IGF2R: variants seen among roughly 807,000 people sequenced by gnomAD.
IGF2R encodes cation-independent mannose-6-phosphate receptor.
IGF2R carries 91 observed loss-of-function variants against 270.6 expected under a neutral mutation model. The observed-to-expected ratio is 0.34, with a 90% CI of 0.28 to 0.40. The LOEUF (loss-of-function observed/expected upper bound fraction) is 0.40, where lower values mean the gene tolerates loss of function less well. Among genes scored for constraint, IGF2R ranks in the 10% least tolerant of loss-of-function variants. The pLI is 1.00. For missense variants in IGF2R, 2,805 were observed against 3,188.3 expected (o/e 0.88, Z 2.90); for synonymous variants, 1,316 against 1,258.9 (o/e 1.05, Z -0.96).
chr6:160,083,953 ACAGCTACCGGACATC>A lies in IGF2R; in HGVS notation c.5842_5856del (p.Tyr1948_Ser1952del). On this transcript the variant is annotated inframe_deletion, in exon 40 of 48. Coordinates refer to ENST00000356956, the MANE Select transcript of IGF2R (RefSeq NM_000876.4). ...CTCTTTTCCCTACACTCCCCAGCAA[ACAGCTACCGGACATC>A]CAGCATCATATTTAAGTGTGATGAA... 1 of 1,611,686 alleles carries A rather than the reference ACAGCTACCGGACATC, an allele frequency of 6.2e-7. No homozygotes were observed. Among genetic ancestry groups the A allele is most frequent in the Non-Finnish European group, 8.5e-7 (1 of 1,177,816 alleles).
At chr6:160,016,243 G>A (rs1777295913) in intron 4 of IGF2R, among the ~76,000 whole-genome samples, 1 of 152,122 alleles carries the variant, frequency 6.6e-6, no homozygotes, top group Non-Finnish European at 1.5e-5. Context: ...TTTTTACCAT[G>A]TGGGCTCTTT....
intron 1 of IGF2R, 149 bp downstream of exon 1, chr6:159,969,544 C>T (rs918366885): frequency 1.7e-6 from 1 of 605,856 alleles, no homozygotes. Flanking sequence ...GGGAAAGTTG[C>T]CTGCGTGGTG....
chr6:159,977,926 G>A (rs1783719690), intron 1 of IGF2R, among the ~76,000 whole-genome samples: 1 of 151,786 alleles, frequency 6.6e-6, no homozygotes, highest in Admixed American at 6.6e-5. Context: ...GATGCTAACC[G>A]TGTTGTAGGC....
intron 16 of IGF2R, 139 bp downstream of exon 16, chr6:160,047,475 G>GT (rs1183470657): frequency 1.2e-4 from 90 of 732,278 alleles, no homozygotes; most frequent in Non-Finnish European, 1.7e-4. Flanking sequence ...TGCCTGGGCA[G>GT]TATTAGTATT....
intron 24 of IGF2R, 26 bp from the exon 25 acceptor site, chr6:160,061,727 C>G: frequency 6.2e-7 from 1 of 1,613,792 alleles, no homozygotes; most frequent in Non-Finnish European, 8.5e-7. Context: ...TTCCTCATGC[C>G]CAAACCACTT....
At chr6:160,007,361 C>T (rs1784259741) in intron 2 of IGF2R, 1 of 152,234 alleles carries the variant, frequency 6.6e-6, no homozygotes, top group Non-Finnish European at 1.5e-5. Flanking sequence ...CAGGAGAGCT[C>T]TGAGCCACCT....
intron 11 of IGF2R, among the ~76,000 whole-genome samples, chr6:160,041,441 A>C (rs1777944119): frequency 6.6e-6 from 1 of 152,162 alleles, no homozygotes. Context: ...TTGAGAACAC[A>C]TGGGCACAGA....
rs1286018263 is a variant in IGF2R, at chr6:160,060,570, C to T, written c.3115C>T (p.Arg1039Cys). The T allele has an allele frequency of 1.4e-5, 23 of 1,614,206 alleles. No individual in the cohort carries two copies. Among genetic ancestry groups the T allele is most frequent in the Non-Finnish European group, 1.7e-5 (20 of 1,180,032 alleles). Residue 1039 changes from arginine to cysteine, a missense_variant, in exon 23 of 48, where the codon CGC (arginine) becomes TGC (cysteine). By Grantham distance (180) the Arg-to-Cys change is radical. This residue lies in a region of IGF2R where 1,851 missense variants were observed against 2,207.2 expected (regional missense o/e 0.84). Transcript: ENST00000356956. The part of the protein sequence containing the change: ...AKGTADAFIV[R>C]FVCNDDVYSG... ...AGGTACCGCTGATGCTTTTATCGTCCGCTTTGTTTGCAATGATGATGTTTA... is the reference window on the plus strand; with the variant it reads ...AGGTACCGCTGATGCTTTTATCGTCTGCTTTGTTTGCAATGATGATGTTTA...
At position 160,075,581 on chromosome 6, in the gene IGF2R, G is replaced by T. The variant is rs558262981; in HGVS notation, c.5167-266G>T. The stretch of plus-strand genomic sequence containing the variant: ...GACTGGAGAGATTCCTATTGCTTAG[G>T]ATCTTTGAAAATTGAAGATACCTAG... On this transcript the variant is annotated intron_variant, in intron 35 of 47. Coordinates refer to ENST00000356956, the MANE Select transcript of IGF2R (RefSeq NM_000876.4). Among the ~76,000 whole-genome samples the T allele has an allele frequency of 1.4e-4, 21 of 152,282 alleles. 1 individual carries two copies. The South Asian group carries it at 3.1e-3, about 23-fold the overall frequency.
At chr6:160,008,108 T>G (rs1167961501) in intron 2 of IGF2R, among the ~76,000 whole-genome samples, 1 of 152,212 alleles carries the variant, frequency 6.6e-6, no homozygotes, top group African/African-American at 2.4e-5. Flanking sequence ...TTTAAGAAAG[T>G]TTACAAGTTT....
In IGF2R at chr6:160,073,487, C is replaced by T; in HGVS notation, c.4947+18C>T. ...AGCAAGCGGTGAGTTTTCAGATGGG[C>T]ACGGGAGAAGTGCATGTCCAGTGCC... On this transcript the variant is annotated intron_variant, in intron 34 of 47. Coordinates refer to ENST00000356956, the MANE Select transcript of IGF2R (RefSeq NM_000876.4). 5.0e-6 allele frequency: 8 copies of T among 1,613,136 alleles called. No homozygotes were observed. The highest frequency in any genetic ancestry group is 6.8e-6 in the Non-Finnish European group (8 of 1,179,470).
chr6:160,067,944 C>T lies in IGF2R; in HGVS notation c.4116-305C>T, dbSNP rs189004967. 5.4e-3 allele frequency among the ~76,000 whole-genome samples: 817 copies of T among 152,246 alleles called. 4 individuals are homozygous for T. Among genetic ancestry groups the T allele is most frequent in the Non-Finnish European group, 9.1e-3 (622 of 68,028 alleles). On this transcript the variant is annotated intron_variant, in intron 29 of 47. Transcript: ENST00000356956. ...CACTTCTCAGTGGCCTGAGCACAGA[C>T]GGCACGCACTTTGCAGACTTGAGTT...
rs745864484 is a variant in IGF2R at position 160,032,718 on chromosome 6, G to A, written c.1045+5G>A. On this transcript the variant is annotated splice_donor_5th_base_variant and intron_variant, in intron 8 of 47. Coordinates refer to ENST00000356956, the MANE Select transcript of IGF2R (RefSeq NM_000876.4). The stretch of plus-strand genomic sequence containing the variant: ...CACCACTTGCCCAGAGCGGAGGTAA[G>A]CAGGTGCTTTCTGCCTCCTGGCGCT... The A allele has an allele frequency of 2.5e-6, 4 of 1,613,078 alleles. No homozygotes were observed. Among genetic ancestry groups the A allele is most frequent in the Admixed American group, 3.3e-5 (2 of 59,942 alleles).
At position 160,058,072 on chromosome 6, in the gene IGF2R, C is replaced by T. The variant is rs143641833; in HGVS notation, c.2846C>T (p.Pro949Leu). The T allele has an allele frequency of 3.2e-5, 52 of 1,613,688 alleles. 1 individual carries two copies. In the Admixed American group the frequency reaches 3.5e-4, roughly 11 times the overall value. ...AGTGGATTTGTGTTTAATCTTAATC[C>T]GCTAAACAGTTCGCAAGGATATAAC... Reference protein sequence around the residue: ...PNSGFVFNLNPLNSSQGYNVS... With the variant: ...PNSGFVFNLNLLNSSQGYNVS... Residue 949 changes from proline (P) to leucine (L), a missense_variant, in exon 21 of 48, where the codon CCG becomes CTG. This residue lies in a region of IGF2R where 1,851 missense variants were observed against 2,207.2 expected (regional missense o/e 0.84). Coordinates refer to ENST00000356956, the MANE Select transcript of IGF2R (RefSeq NM_000876.4).
chr6:160,034,858 C>T (rs995249798), intron 10 of IGF2R, among the ~76,000 whole-genome samples: 17 of 152,118 alleles, frequency 1.1e-4, no homozygotes, highest in East Asian at 7.7e-4. Context: ...TCGGCAGGGG[C>T]GGGATGGCTT....
At chr6:160,079,352 G>C (rs932129977) in intron 37 of IGF2R, among the ~76,000 whole-genome samples, 28 of 152,318 alleles carry the variant, frequency 1.8e-4, no homozygotes, top group African/African-American at 6.7e-4. Context: ...GGTGGCCGAG[G>C]CCCCCAGCAG....
Position 160,104,910 on chromosome 6 carries a change from A to G in IGF2R, c.7302A>G (p.Pro2434=), listed in dbSNP as rs1779579608. Residue 2434 remains proline, a synonymous_variant, in exon 48 of 48, where the codon CCA becomes CCG. Coordinates refer to ENST00000356956, the MANE Select transcript of IGF2R (RefSeq NM_000876.4). ...GAGCTGGGGCAGAGAGCTCCCACCC[A>G]GTGAGAAACGCACAGAGCAATGCCC... ...GRGAGAESSH[P]VRNAQSNALQ... The G allele has an allele frequency of 6.2e-7, 1 of 1,614,072 alleles. No homozygotes were observed. The highest frequency in any genetic ancestry group is 8.5e-7 in the Non-Finnish European group (1 of 1,180,042).
intron 47 of IGF2R, 68 bp from the exon 48 acceptor site, chr6:160,104,603 TGTG>T: frequency 2.0e-6 from 3 of 1,491,986 alleles, no homozygotes; most frequent in Non-Finnish European, 1.8e-6. Flanking sequence ...GCATCCCTGA[TGTG>T]GTGGATGGTG....
chr6:159,997,855 C>T (rs1784077123), intron 2 of IGF2R, among the ~76,000 whole-genome samples: 1 of 152,170 alleles, frequency 6.6e-6, no homozygotes, highest in African/African-American at 2.4e-5. Context: ...TTGCTAAACA[C>T]AGTTAAAAGA....
Sources: allele counts gnomAD v4.1 joint callset (sites outside exome capture counted in the v4.1 genomes callset), GRCh38; gene constraint gnomAD v4.1.1; regional missense constraint gnomAD v4.1.1; transcripts MANE v1.5; gene names NCBI Gene and HGNC (gene_info 2026-07-23, HGNC 2026-07-21).